The following KCNU1 variants were observed in gnomAD, a reference collection of about 807,000 sequenced individuals.
KCNU1 encodes the protein potassium calcium-activated channel subfamily U member 1, also known as potassium channel subfamily U member 1.
Under a neutral mutation model 126.8 loss-of-function variants are expected in KCNU1, and 93 were observed. That is an observed-to-expected ratio of 0.73 (90% CI 0.62 to 0.87). KCNU1 has a LOEUF of 0.87. Among genes scored for constraint, KCNU1 ranks in the 40% least tolerant of loss-of-function variants. The pLI is 0.00. For missense variants in KCNU1, 1,330 were observed against 1,367.1 expected (o/e 0.97, Z 0.43); for synonymous variants, 523 against 494.2 (o/e 1.06, Z -0.77).
intron 19 of KCNU1, among the ~76,000 whole-genome samples, chr8:36,897,076 CAA>C (rs897569003): frequency 2.6e-5 from 4 of 151,902 alleles, no homozygotes; most frequent in Non-Finnish European, 5.9e-5. Context: ...GGGACAATAG[CAA>C]AAAGAGTCTG....
chr8:36,899,552 T>A (rs1285960134), intron 19 of KCNU1, among the ~76,000 whole-genome samples: 2 of 152,124 alleles, frequency 1.3e-5, no homozygotes, highest in African/African-American at 4.8e-5. Flanking sequence ...ATACCTATTA[T>A]CTCTACTATT....
intron 23 of KCNU1, among the ~76,000 whole-genome samples, chr8:36,919,845 T>C (rs762838495): frequency 6.6e-6 from 1 of 152,192 alleles, no homozygotes; most frequent in Admixed American, 6.5e-5. Flanking sequence ...CATCTAGAAA[T>C]CTTAGTCCTG....
intron 19 of KCNU1, among the ~76,000 whole-genome samples, chr8:36,874,434 CCTGCTCA>C: frequency 6.6e-6 from 1 of 152,078 alleles, no homozygotes; most frequent in Admixed American, 6.5e-5. Context: ...TGGAGTTTCC[CCTGCTCA>C]CAGGGTCATA....
intron 20 of KCNU1, 67 bp downstream of exon 20, chr8:36,905,871 G>T: frequency 3.9e-6 from 3 of 769,218 alleles, no homozygotes; most frequent in Non-Finnish European, 6.4e-6. Context: ...TGATGTTCTT[G>T]TTAGTCATAA....
intron 19 of KCNU1, among the ~76,000 whole-genome samples, chr8:36,879,223 A>ATATATATATATATG (rs1378404050): frequency 1.7e-4 from 24 of 142,560 alleles, no homozygotes; most frequent in Non-Finnish European, 2.3e-4. Flanking sequence ...ATATATATAT[A>ATATATATATATATG]TATATATATA....
intron 19 of KCNU1, among the ~76,000 whole-genome samples, chr8:36,867,865 C>A (rs1275379650): frequency 6.6e-6 from 1 of 152,170 alleles, no homozygotes. Context: ...CCTGGTTCAT[C>A]TGTAGACCCA....
chr8:36,850,358 A>G (rs1056352256), intron 18 of KCNU1, among the ~76,000 whole-genome samples: 2 of 152,052 alleles, frequency 1.3e-5, no homozygotes, highest in Admixed American at 1.3e-4. Flanking sequence ...GCTTTTGTGC[A>G]ATATCTAAGA....
At chr8:36,927,702 T>C (rs1808574817) in intron 24 of KCNU1, among the ~76,000 whole-genome samples, 1 of 152,174 alleles carries the variant, frequency 6.6e-6, no homozygotes, top group African/African-American at 2.4e-5. Context: ...CATTAGGTAA[T>C]ACTCTAGGTT....
In KCNU1 at chr8:36,907,365, T is replaced by C. The variant is rs549491878; in HGVS notation, c.2106+1561T>C. Among the ~76,000 whole-genome samples the C allele has an allele frequency of 1.2e-3, 183 of 152,316 alleles. 1 individual carries two copies. The highest frequency in any genetic ancestry group is 2.0e-3 in the Non-Finnish European group (133 of 68,008). ...GAAATTGCCTCTCTAGCTGTGCCCA[T>C]TAATGCACTTGGCCATGTATCTTGT... is the stretch of plus-strand genomic sequence containing the variant. On this transcript the variant is annotated intron_variant, in intron 20 of 26. Transcript: ENST00000399881.
chr8:36,902,457 A>C (rs2117493820), intron 19 of KCNU1, among the ~76,000 whole-genome samples: 1 of 152,174 alleles, frequency 6.6e-6, no homozygotes, highest in South Asian at 2.1e-4. Context: ...GACAAGCTGA[A>C]GAAAGTGACC....
At chr8:36,815,533 A>C in intron 8 of KCNU1, 63 bp from the exon 9 acceptor site, 1 of 802,182 alleles carries the variant, frequency 1.2e-6, no homozygotes. Flanking sequence ...TCTAATCTTG[A>C]AATTTTTGGA....
At chr8:36,840,243 T>C (rs1804899249) in intron 14 of KCNU1, among the ~76,000 whole-genome samples, 2 of 152,230 alleles carry the variant, frequency 1.3e-5, no homozygotes. Flanking sequence ...TAAGTAATGA[T>C]GTGTCTGCCT....
chr8:36,935,398 A>G, intron 26 of KCNU1, 117 bp from the exon 27 acceptor site: 2 of 777,566 alleles, frequency 2.6e-6, no homozygotes, highest in Non-Finnish European at 4.3e-6. Flanking sequence ...GAAGCAAAAC[A>G]AAACAAAAAC....
intron 19 of KCNU1, among the ~76,000 whole-genome samples, chr8:36,875,878 G>A (rs1773009180): frequency 6.6e-6 from 1 of 152,024 alleles, no homozygotes; most frequent in Admixed American, 6.6e-5. Flanking sequence ...AAAATCCCTG[G>A]TTTCAGCTGT....
intron 10 of KCNU1, among the ~76,000 whole-genome samples, chr8:36,819,665 C>G (rs1804049837): frequency 6.6e-6 from 1 of 152,164 alleles, no homozygotes; most frequent in Non-Finnish European, 1.5e-5. Context: ...CCTTCCCACT[C>G]AGAGAGACAG....
At chr8:36,809,215 T>C (rs1803618782) in intron 7 of KCNU1, among the ~76,000 whole-genome samples, 1 of 152,196 alleles carries the variant, frequency 6.6e-6, no homozygotes, top group Admixed American at 6.5e-5. Flanking sequence ...GGGGGCTTTC[T>C]TGATCCTCCT....
chr8:36,791,469 CTTT>C (rs1452790516), intron 2 of KCNU1, among the ~76,000 whole-genome samples: 1 of 152,118 alleles, frequency 6.6e-6, no homozygotes, highest in East Asian at 1.9e-4. Flanking sequence ...TCTCTGGCTT[CTTT>C]TTTCTTCAGG....
At chr8:36,905,613 C>T in intron 19 of KCNU1, 95 bp from the exon 20 acceptor site, 1 of 768,224 alleles carries the variant, frequency 1.3e-6, no homozygotes, top group Admixed American at 1.8e-5. Context: ...CTATTCTCCT[C>T]TTTGAGCTCA....
chr8:36,788,206 C>T lies in KCNU1; in HGVS notation c.315+781C>T, dbSNP rs1392636919. Among the ~76,000 whole-genome samples, 7 of 152,114 alleles carry T rather than the reference C, an allele frequency of 4.6e-5. No homozygotes were observed. In the East Asian group the frequency reaches 1.3e-3, roughly 29 times the overall value. The stretch of plus-strand genomic sequence containing the variant: ...AATCTCACTTTGGGCATCATCTTCT[C>T]GGGGCATCCTAACCTTACCTCTTTA... On this transcript the variant is annotated intron_variant, in intron 2 of 26. Transcript: ENST00000399881.
Sources: allele counts gnomAD v4.1 joint callset (sites outside exome capture counted in the v4.1 genomes callset), GRCh38; gene constraint gnomAD v4.1.1; transcripts MANE v1.5; gene names NCBI Gene and HGNC (gene_info 2026-07-23, HGNC 2026-07-21).